Variants in MYL10 observed in about 807,000 individuals in gnomAD.
The protein encoded by MYL10 is myosin light chain 10, also known as myosin regulatory light chain 10.
In MYL10, 18 loss-of-function variants were observed where a neutral mutation model predicts 21.9. The ratio of observed to expected loss-of-function variants is 0.82; its 90% CI spans 0.57 to 1.22. The LOEUF (loss-of-function observed/expected upper bound fraction) is 1.22, where lower values mean the gene tolerates loss of function less well. Among genes scored for constraint, MYL10 ranks in the 50% most tolerant of loss-of-function variants. MYL10 has a pLI of 0.00. For synonymous variants in MYL10, 88 were observed against 82.8 expected (o/e 1.06, Z -0.34); for missense variants, 225 against 230.4 (o/e 0.98, Z 0.15).
At chr7:101,624,321 C>G in intron 1 of MYL10, 57 bp from the exon 2 acceptor site, 1 of 1,335,842 alleles carries the variant, frequency 7.5e-7, no homozygotes, top group Admixed American at 1.9e-5. Flanking sequence ...TCAGCCCCCA[C>G]CCCCTGTCTC....
chr7:101,616,535 T>C (rs740200), intron 5 of MYL10, among the ~76,000 whole-genome samples: 53,078 of 152,074 alleles, frequency 0.35, 9,545 homozygotes, highest in Middle Eastern at 0.4. Context: ...ACCACATATA[T>C]ATATTTTGTG....
At position 101,616,269 on chromosome 7, in the gene MYL10, CG is replaced by C; in HGVS notation, c.483del (p.His161GlnfsTer24). The C allele has an allele frequency of 6.2e-7, 1 of 1,614,144 alleles. No homozygotes were observed. The highest frequency in any genetic ancestry group is 2.2e-5 in the East Asian group (1 of 44,870). ...CCTTCAGTGTCGAACACTTTGAAGG[CG>C]TGGAGAATGGTCTCCTCTGGGTCCG... ...KGTDPEETIL[H>X]AFKVFDTEGK... On this transcript the variant is annotated frameshift_variant, in exon 6 of 8. Coordinates refer to ENST00000223167, the MANE Select transcript of MYL10 (RefSeq NM_138403.5). LOFTEE classifies it high-confidence loss of function.
At chr7:101,625,826 A>T (rs1390209788) in intron 1 of MYL10, among the ~76,000 whole-genome samples, 1 of 152,190 alleles carries the variant, frequency 6.6e-6, no homozygotes, top group African/African-American at 2.4e-5. Context: ...TTAATAAAAA[A>T]TGATCACTTC....
intron 3 of MYL10, among the ~76,000 whole-genome samples, chr7:101,623,392 G>A (rs1796703752): frequency 6.6e-6 from 1 of 152,172 alleles, no homozygotes; most frequent in Admixed American, 6.5e-5. Context: ...GGCCATGGTG[G>A]CCTCAAAAAA....
intron 4 of MYL10, 57 bp from the exon 5 acceptor site, chr7:101,622,257 C>T (rs1484395096): frequency 8.1e-6 from 11 of 1,358,670 alleles, no homozygotes; most frequent in East Asian, 7.2e-5. Context: ...GCTTGGGCCT[C>T]GGAGGATCCC....
At chr7:101,617,298 C>A (rs1796619645) in intron 5 of MYL10, among the ~76,000 whole-genome samples, 1 of 152,228 alleles carries the variant, frequency 6.6e-6, no homozygotes, top group South Asian at 2.1e-4. Context: ...ATGGGTTGAT[C>A]AGGGCTGCAA....
In MYL10 at chr7:101,623,047, C is replaced by T. The variant is rs765168243; in HGVS notation, c.299G>A (p.Arg100His). 35 of 1,613,928 alleles carry T rather than the reference C, an allele frequency of 2.2e-5. No homozygotes were observed. The highest frequency in any genetic ancestry group is 1.1e-4 in the South Asian group (10 of 91,084). The change falls in exon 4 of 8, where the codon CGT becomes CAT. Residue 100 changes from arginine to histidine, a missense_variant. By Grantham distance (29) the Arg-to-His change is conservative. Transcript: ENST00000223167. ...SQAFTIMDQNRDGFIDKEDLR... is the reference protein window; with the variant it reads ...SQAFTIMDQNHDGFIDKEDLR... ...GTCCTCTTTGTCGATGAAGCCATCA[C>T]GGTTCTGGTCCATGATGGTGAAAGC...
At chr7:101,624,394 C>G in intron 1 of MYL10, 130 bp from the exon 2 acceptor site, 1 of 637,742 alleles carries the variant, frequency 1.6e-6, no homozygotes, top group East Asian at 2.8e-5. Flanking sequence ...CTACAGCAGA[C>G]AGACAAGGCT....
chr7:101,619,234 T>TTC (rs1796647297), intron 5 of MYL10, among the ~76,000 whole-genome samples: 1 of 152,210 alleles, frequency 6.6e-6, no homozygotes, highest in Non-Finnish European at 1.5e-5. Flanking sequence ...CAGAGCATTC[T>TTC]TCTCTCCCGG....
chr7:101,622,276 TC>T, intron 4 of MYL10, 76 bp from the exon 5 acceptor site: 2 of 1,160,934 alleles, frequency 1.7e-6, no homozygotes, highest in Non-Finnish European at 2.5e-6. Flanking sequence ...CCACAAAGCC[TC>T]CCCACTCAGC....
chr7:101,618,483 G>A (rs1370658228), intron 5 of MYL10, among the ~76,000 whole-genome samples: 1 of 152,208 alleles, frequency 6.6e-6, no homozygotes, highest in African/African-American at 2.4e-5. Flanking sequence ...TGCGGACAAT[G>A]CACATGGATT....
At chr7:101,617,575 C>A (rs1315700892) in intron 5 of MYL10, among the ~76,000 whole-genome samples, 1 of 152,238 alleles carries the variant, frequency 6.6e-6, no homozygotes, top group Non-Finnish European at 1.5e-5. Context: ...CCTCATCAGA[C>A]TAGGTCAGGG....
At chr7:101,615,742 T>C (rs1277648126) in intron 6 of MYL10, among the ~76,000 whole-genome samples, 1 of 148,102 alleles carries the variant, frequency 6.8e-6, no homozygotes, top group Non-Finnish European at 1.5e-5. Context: ...TCGCCCAGTC[T>C]GGAGTGCAAT....
chr7:101,614,480 C>G (rs933029621), intron 6 of MYL10, among the ~76,000 whole-genome samples: 1 of 152,234 alleles, frequency 6.6e-6, no homozygotes, highest in African/African-American at 2.4e-5. Flanking sequence ...AGATCCAGGT[C>G]CCATGTCCCA....
At chr7:101,619,676 T>C (rs1412910103) in intron 5 of MYL10, among the ~76,000 whole-genome samples, 2 of 151,802 alleles carry the variant, frequency 1.3e-5, no homozygotes, top group Non-Finnish European at 2.9e-5. Context: ...GATCACGAGG[T>C]CAGGAGATCG....
chr7:101,627,952 C>G (rs776872763), intron 1 of MYL10, among the ~76,000 whole-genome samples: 11 of 152,260 alleles, frequency 7.2e-5, no homozygotes, highest in Non-Finnish European at 1.5e-4. Context: ...ACATCACCCT[C>G]TAGGAGGCTC....
chr7:101,627,777 C>T (rs1439240360), intron 1 of MYL10, among the ~76,000 whole-genome samples: 1 of 152,234 alleles, frequency 6.6e-6, no homozygotes, highest in Non-Finnish European at 1.5e-5. Flanking sequence ...CAGGAAGGGG[C>T]ATTTGGCCAA....
chr7:101,615,161 G>T (rs777925947), intron 6 of MYL10, among the ~76,000 whole-genome samples: 49 of 152,124 alleles, frequency 3.2e-4, no homozygotes, highest in Non-Finnish European at 1.0e-4. Flanking sequence ...CATTCCAAGT[G>T]AGCTGGTCAC....
intron 1 of MYL10, among the ~76,000 whole-genome samples, chr7:101,625,582 C>A (rs1405539480): frequency 6.6e-6 from 1 of 152,090 alleles, no homozygotes; most frequent in African/African-American, 2.4e-5. Flanking sequence ...TGTCCCCACC[C>A]CCGCCCAGGA....
Sources: gnomAD v4.1 joint callset for allele counts (sites outside exome capture counted in the v4.1 genomes callset) on GRCh38, gnomAD v4.1.1 for gene constraint, MANE v1.5 for transcripts, NCBI Gene and HGNC (gene_info 2026-07-23, HGNC 2026-07-21) for gene names.